The following DOP1B variants were observed in gnomAD, a reference collection of about 807,000 sequenced individuals.
DOP1B encodes protein DOP1B.
A neutral mutation model predicts 233.5 loss-of-function variants in DOP1B; 174 were observed. That is an observed-to-expected ratio of 0.75 (90% CI 0.66 to 0.85). The LOEUF (loss-of-function observed/expected upper bound fraction) is 0.85. DOP1B is among the 40% of genes least tolerant of loss of function. The pLI is 0.00. For synonymous variants in DOP1B, 1,190 were observed against 1,185.6 expected, an observed-to-expected ratio of 1.00 and a Z score of -0.08; for missense variants, 2,652 against 2,846.6, an observed-to-expected ratio of 0.93 and a Z score of 1.56.
intron 15 of DOP1B, among the ~76,000 whole-genome samples, chr21:36,234,916 T>A (rs2123559148): frequency 6.6e-6 from 1 of 152,344 alleles, no homozygotes; most frequent in African/African-American, 2.4e-5. Context: ...ATTTATACAT[T>A]GTATGATGAT....
rs186145087 is a variant in DOP1B at position 36,158,056 on chromosome 21, C to T, written c.-27+1113C>T. Among the ~76,000 whole-genome samples the T allele has an allele frequency of 7.9e-4, 120 of 152,162 alleles. No individual in the cohort carries two copies. The Middle Eastern group carries it at 0.01, about 13-fold the overall frequency. Reference sequence around the variant, plus strand: ...TCAAGCAATCCTTCCACCTCGGCCTCTTAAAGTGCTGGGATTACAGGTATG... The same window carrying T: ...TCAAGCAATCCTTCCACCTCGGCCTTTTAAAGTGCTGGGATTACAGGTATG... On this transcript the variant is annotated intron_variant, in intron 1 of 36. Transcript: ENST00000691173.
chr21:36,177,953 G>A (rs1049570051), intron 2 of DOP1B, among the ~76,000 whole-genome samples: 1 of 152,118 alleles, frequency 6.6e-6, no homozygotes, highest in Non-Finnish European at 1.5e-5. Context: ...TAAGGGAAAG[G>A]GTTTGTGACC....
rs1387410221 is a variant in DOP1B at position 36,251,259 on chromosome 21, A to C, written c.5096A>C (p.Lys1699Thr). The change falls in exon 22 of 37, where the codon AAA becomes ACA. Residue 1699 changes from lysine (K) to threonine (T), a missense_variant. Coordinates refer to ENST00000691173, the MANE Select transcript of DOP1B (RefSeq NM_001320714.2). ...AAVAAVWSRK[K>T]AQRHSKMKII... Reference sequence around the variant, plus strand: ...GTTGCGGCAGTGTGGAGCAGAAAGAAAGCCCAGCGTCACAGTAAGATGAAG... The same window carrying C: ...GTTGCGGCAGTGTGGAGCAGAAAGACAGCCCAGCGTCACAGTAAGATGAAG... The C allele has an allele frequency of 1.2e-6, 2 of 1,613,778 alleles. No homozygotes were observed. Among genetic ancestry groups the C allele is most frequent in the African/African-American group, 2.7e-5 (2 of 74,922 alleles).
chr21:36,227,432 A>G (rs1178609209), intron 12 of DOP1B, among the ~76,000 whole-genome samples: 4 of 151,372 alleles, frequency 2.6e-5, no homozygotes. Context: ...CTGTAGTCCC[A>G]GCTGCTCGGG....
rs556283877 is a variant in DOP1B, at chr21:36,280,847, C to CA, written c.6031+507dup. Among the ~76,000 whole-genome samples the CA allele has an allele frequency of 1.3e-3, 190 of 151,990 alleles. 1 individual carries two copies. The highest frequency in any genetic ancestry group is 1.6e-3 in the Admixed American group (25 of 15,252). On this transcript the variant is annotated intron_variant, in intron 31 of 36. Transcript: ENST00000691173. ...TGAAACCCCGTCTCTACTAAAAATA[C>CA]AAAAAATAGCCAGGCATAGTGGCGG...
chr21:36,220,837 G>A (rs943734058), intron 10 of DOP1B, among the ~76,000 whole-genome samples: 6 of 151,472 alleles, frequency 4.0e-5, no homozygotes, highest in African/African-American at 1.5e-4. Flanking sequence ...GCATGACAAG[G>A]TCTCACTCTG....
chr21:36,286,089 A>G (rs930594622), intron 32 of DOP1B, among the ~76,000 whole-genome samples: 11 of 151,786 alleles, frequency 7.2e-5, no homozygotes, highest in East Asian at 5.8e-4. Context: ...TTTTCCCCGG[A>G]CACTGTTGCA....
chr21:36,285,258 C>A (rs539381337), intron 32 of DOP1B, among the ~76,000 whole-genome samples: 114 of 152,096 alleles, frequency 7.5e-4, no homozygotes, highest in Non-Finnish European at 1.6e-4. Context: ...TAGGGTTTCA[C>A]CATGTTGGCC....
At chr21:36,289,023 G>A in intron 34 of DOP1B, 22 bp from the exon 35 acceptor site, 1 of 1,609,438 alleles carries the variant, frequency 6.2e-7, no homozygotes, top group Non-Finnish European at 8.5e-7. Context: ...TTTATAACAA[G>A]CGTTTCTTTG....
intron 27 of DOP1B, among the ~76,000 whole-genome samples, chr21:36,270,877 C>T (rs373658036): frequency 1.4e-5 from 2 of 147,172 alleles, no homozygotes; most frequent in East Asian, 4.0e-4. Context: ...TGTACCACTG[C>T]ACTCCAGCCT....
At chr21:36,180,564 G>A (rs796480400) in intron 2 of DOP1B, among the ~76,000 whole-genome samples, 18 of 144,026 alleles carry the variant, frequency 1.2e-4, no homozygotes, top group African/African-American at 4.8e-4. Flanking sequence ...CTGGGCAAGA[G>A]TGAAACTCGG....
At chr21:36,181,820 G>T (rs1441509024) in intron 2 of DOP1B, among the ~76,000 whole-genome samples, 2 of 104,704 alleles carry the variant, frequency 1.9e-5, no homozygotes, top group African/African-American at 5.1e-5. Flanking sequence ...CCCAGTGCCT[G>T]CACTCACCTT....
At chr21:36,193,368 G>A (rs1452039302) in intron 2 of DOP1B, among the ~76,000 whole-genome samples, 2 of 152,142 alleles carry the variant, frequency 1.3e-5, no homozygotes, top group Non-Finnish European at 1.5e-5. Flanking sequence ...GGAATACCCC[G>A]GGGGGAATTT....
At chr21:36,175,514 G>T (rs545328912) in intron 2 of DOP1B, among the ~76,000 whole-genome samples, 1 of 152,128 alleles carries the variant, frequency 6.6e-6, no homozygotes, top group East Asian at 1.9e-4. Flanking sequence ...GTCTCCGGCC[G>T]GGTATGGTGG....
intron 1 of DOP1B, among the ~76,000 whole-genome samples, chr21:36,158,815 A>AAAAG (rs1555884748): frequency 2.0e-5 from 3 of 146,660 alleles, no homozygotes; most frequent in Non-Finnish European, 3.0e-5. Context: ...AAAAAAAAAA[A>AAAAG]AAAGAAAAGA....
chr21:36,215,883 C>T (rs1376065188), intron 9 of DOP1B, among the ~76,000 whole-genome samples: 9 of 66,616 alleles, frequency 1.4e-4, no homozygotes, highest in Admixed American at 3.8e-4. Flanking sequence ...CATGGTGGCG[C>T]GTGCCTGTAG....
chr21:36,256,262 G>A (rs1047597740), intron 23 of DOP1B, among the ~76,000 whole-genome samples: 1 of 152,040 alleles, frequency 6.6e-6, no homozygotes, highest in Admixed American at 6.6e-5. Context: ...GCAATGTAGG[G>A]AGACATCATC....
At position 36,210,559 on chromosome 21, in the gene DOP1B, C is replaced by A. The variant is rs534720599; in HGVS notation, c.682-994C>A. ...ACTCAGGAGGCTGAGACAAAGGAATCGCTTGAACCTGGGAGGCGGGGGTTG... is the reference window on the plus strand; with the variant it reads ...ACTCAGGAGGCTGAGACAAAGGAATAGCTTGAACCTGGGAGGCGGGGGTTG... On this transcript the variant is annotated intron_variant, in intron 5 of 36. Coordinates refer to ENST00000691173, the MANE Select transcript of DOP1B (RefSeq NM_001320714.2). 3.1e-3 allele frequency among the ~76,000 whole-genome samples: 468 copies of A among 152,266 alleles called. 1 individual carries two copies. Among genetic ancestry groups the A allele is most frequent in the Non-Finnish European group, 4.3e-3 (292 of 68,018 alleles).
intron 2 of DOP1B, among the ~76,000 whole-genome samples, chr21:36,173,294 A>G (rs781459118): frequency 2.5e-4 from 38 of 152,304 alleles, no homozygotes; most frequent in African/African-American, 5.3e-4. Context: ...CCTTTTTTCA[A>G]CTAAGAAAAC....
Sources: gnomAD v4.1 joint callset for allele counts (sites outside exome capture counted in the v4.1 genomes callset) on GRCh38, gnomAD v4.1.1 for gene constraint, MANE v1.5 for transcripts, NCBI Gene and HGNC (gene_info 2026-07-23, HGNC 2026-07-21) for gene names.